The following SMURF2 variants were observed in gnomAD, a reference collection of about 807,000 sequenced individuals.
The protein encoded by SMURF2 is E3 ubiquitin-protein ligase SMURF2.
A neutral mutation model predicts 109.6 loss-of-function variants in SMURF2; 48 were observed. That is an observed-to-expected ratio of 0.44 (90% CI 0.35 to 0.56). The LOEUF is 0.56. Ranked by LOEUF, SMURF2 falls within the 20% of genes least tolerant of loss-of-function variation. The pLI is 0.01. For synonymous variants in SMURF2, 288 were observed against 317.1 expected, an observed-to-expected ratio of 0.91 and a Z score of 0.97; for missense variants, 575 against 909.0, an observed-to-expected ratio of 0.63 and a Z score of 4.72.
intron 1 of SMURF2, among the ~76,000 whole-genome samples, chr17:64,619,478 C>CAAAAAAAAAA (rs552413988): frequency 2.9e-5 from 1 of 34,912 alleles, no homozygotes; most frequent in Non-Finnish European, 5.7e-5. Context: ...ACTCTTGTCT[C>CAAAAAAAAAA]AAAAAAAAAA....
At chr17:64,551,439 C>T (rs1969044302) in intron 16 of SMURF2, 145 bp downstream of exon 16, 1 of 863,544 alleles carries the variant, frequency 1.2e-6, no homozygotes, top group Admixed American at 2.6e-5. Context: ...GCATGAAAGA[C>T]TTTTCCTGTG....
intron 1 of SMURF2, among the ~76,000 whole-genome samples, chr17:64,631,515 G>C (rs1970348936): frequency 6.6e-6 from 1 of 151,950 alleles, no homozygotes; most frequent in Admixed American, 6.6e-5. Flanking sequence ...GTACTTAATA[G>C]GACAAAGTTC....
intron 1 of SMURF2, among the ~76,000 whole-genome samples, chr17:64,628,619 C>T (rs1224167507): frequency 6.6e-6 from 1 of 152,128 alleles, no homozygotes; most frequent in African/African-American, 2.4e-5. Flanking sequence ...TGCCTTAGAA[C>T]CAAAGGAGGT....
chr17:64,660,291 T>C (rs1568214108), intron 1 of SMURF2, among the ~76,000 whole-genome samples: 1 of 152,226 alleles, frequency 6.6e-6, no homozygotes, highest in East Asian at 1.9e-4. Context: ...CTTTCCACGA[T>C]CACTGACTAC....
intron 1 of SMURF2, among the ~76,000 whole-genome samples, chr17:64,640,451 G>T (rs971595864): frequency 1.3e-5 from 2 of 152,200 alleles, no homozygotes; most frequent in Non-Finnish European, 2.9e-5. Flanking sequence ...GCAAAGGAAA[G>T]CCCAGTCAAC....
At chr17:64,592,026 A>C (rs1192975431) in intron 4 of SMURF2, among the ~76,000 whole-genome samples, 5 of 152,232 alleles carry the variant, frequency 3.3e-5, no homozygotes, top group African/African-American at 1.2e-4. Context: ...CCAAAAATAC[A>C]GACATTTTTC....
At chr17:64,606,473 C>T (rs1969972748) in intron 2 of SMURF2, 129 bp downstream of exon 2, 6 of 731,346 alleles carry the variant, frequency 8.2e-6, no homozygotes, top group Middle Eastern at 2.6e-4. Flanking sequence ...GGCTCTGAAC[C>T]GAAGCATTCA....
At chr17:64,569,298 T>C (rs1412072057) in intron 10 of SMURF2, among the ~76,000 whole-genome samples, 75 of 147,770 alleles carry the variant, frequency 5.1e-4, no homozygotes, top group Middle Eastern at 3.5e-3. Context: ...GGAAACTCCA[T>C]CTAAAAAAAA....
intron 6 of SMURF2, 76 bp downstream of exon 6, chr17:64,586,010 A>G: frequency 1.1e-6 from 1 of 929,594 alleles, no homozygotes; most frequent in Non-Finnish European, 1.6e-6. Context: ...AATATACAAT[A>G]AACACCCACT....
chr17:64,659,115 C>T lies in SMURF2; in HGVS notation c.52+2714G>A, dbSNP rs1970740486. On this transcript the variant is annotated intron_variant, in intron 1 of 18. Coordinates refer to ENST00000262435, the MANE Select transcript of SMURF2 (RefSeq NM_022739.4). ...TCAATTGTGGGCAGAGATCTCATGG[C>T]TTAAATATTTCCTCTTCTTCAGAGA... Among the ~76,000 whole-genome samples the T allele has an allele frequency of 1.3e-5, 2 of 152,090 alleles. 1 individual carries two copies. Among genetic ancestry groups the T allele is most frequent in the African/African-American group, 4.8e-5 (2 of 41,404 alleles).
Position 64,578,534 on chromosome 17 carries a change from G to A in SMURF2, c.815C>T (p.Thr272Ile). ...TQQGQVYFLH[T>I]QTGVSTWHDP... is the part of the protein sequence containing the mutation. ...ATGCCATGTGCTCACACCAGTCTGT[G>A]TATGTAAGAAATACACCTGGCCTTG... The change falls in exon 9 of 19, where the codon ACA becomes ATA. Residue 272 changes from threonine (T) to isoleucine (I), a missense_variant. Around this residue, in one of 5 missense-constraint regions of SMURF2, gnomAD observed 361 missense variants for 612.1 expected, o/e 0.59. Coordinates refer to ENST00000262435, the MANE Select transcript of SMURF2 (RefSeq NM_022739.4). The A allele has an allele frequency of 6.2e-7, 1 of 1,613,898 alleles. No homozygotes were observed. The highest frequency in any genetic ancestry group is 8.5e-7 in the Non-Finnish European group (1 of 1,179,798).
chr17:64,643,112 C>T (rs1470013562), intron 1 of SMURF2, among the ~76,000 whole-genome samples: 1 of 152,144 alleles, frequency 6.6e-6, no homozygotes, highest in Non-Finnish European at 1.5e-5. Context: ...GCAGCCTCAA[C>T]TTCCTGGGCT....
intron 9 of SMURF2, among the ~76,000 whole-genome samples, chr17:64,573,257 G>C: frequency 1.9e-5 from 1 of 53,246 alleles, no homozygotes; most frequent in Admixed American, 2.2e-4. Flanking sequence ...AGGAGGGGAG[G>C]AGGAGGAGGA....
chr17:64,624,229 G>A (rs781951667), intron 1 of SMURF2, among the ~76,000 whole-genome samples: 2 of 152,178 alleles, frequency 1.3e-5, no homozygotes, highest in Non-Finnish European at 2.9e-5. Flanking sequence ...AGGCACAGTG[G>A]CCAATGCCTG....
At chr17:64,638,066 T>TC (rs1555692258) in intron 1 of SMURF2, among the ~76,000 whole-genome samples, 4 of 137,316 alleles carry the variant, frequency 2.9e-5, no homozygotes, top group Non-Finnish European at 4.6e-5. Flanking sequence ...CTTTTTCTTT[T>TC]TTTTTTTTTT....
chr17:64,619,465 G>A (rs1253695772), intron 1 of SMURF2, among the ~76,000 whole-genome samples: 14 of 123,574 alleles, frequency 1.1e-4, no homozygotes, highest in South Asian at 7.8e-4. Context: ...GTGACACGGC[G>A]AGACTCTTGT....
In SMURF2 at chr17:64,617,065, TAAAAAAAAAAAAAA is replaced by T. The variant is rs35408397; in HGVS notation, c.53-10439_53-10426del. ...CTGGGCAACAGAATGAGACCTTGTC[TAAAAAAAAAAAAAA>T]AAAAAAAAAAAAAAAATCTTAGTCC... On this transcript the variant is annotated intron_variant, in intron 1 of 18. Coordinates refer to ENST00000262435, the MANE Select transcript of SMURF2 (RefSeq NM_022739.4). Among the ~76,000 whole-genome samples the T allele has an allele frequency of 9.6e-3, 467 of 48,502 alleles. 3 individuals carry two copies. The highest frequency in any genetic ancestry group is 0.013 in the Non-Finnish European group (347 of 26,816). 31.8% of individuals were successfully genotyped at this position (48,502 alleles called of 152,430 possible). A position where few individuals can be genotyped will look rare whatever the true frequency, so the allele number is the denominator to read the frequency against.
intron 6 of SMURF2, among the ~76,000 whole-genome samples, chr17:64,584,475 C>G (rs1969623537): frequency 6.7e-6 from 1 of 149,820 alleles, no homozygotes; most frequent in Non-Finnish European, 1.5e-5. Flanking sequence ...TCTTCTGCCT[C>G]AGCCTCCTGA....
At position 64,546,101 on chromosome 17, in the gene SMURF2, C is replaced by T. The variant is rs1302960421; in HGVS notation, c.2148-154G>A. Among the ~76,000 whole-genome samples, 9 of 152,276 alleles carry T rather than the reference C, an allele frequency of 5.9e-5. No individual in the cohort carries two copies. In the South Asian group the frequency reaches 1.0e-3, roughly 18 times the overall value. On this transcript the variant is annotated intron_variant, in intron 18 of 18. Transcript: ENST00000262435. Reference sequence around the variant, plus strand: ...AGATGACCACTTTTGGGTTTTCCTACCAATTTCCGAATAATCTTAACTTTT... The same window carrying T: ...AGATGACCACTTTTGGGTTTTCCTATCAATTTCCGAATAATCTTAACTTTT...
Sources: allele counts gnomAD v4.1 joint callset (sites outside exome capture counted in the v4.1 genomes callset), GRCh38; gene constraint gnomAD v4.1.1; regional missense constraint gnomAD v4.1.1; transcripts MANE v1.5; gene names NCBI Gene and HGNC (gene_info 2026-07-23, HGNC 2026-07-21).